Variants in ST6GALNAC3 observed in about 807,000 individuals in gnomAD.
The protein encoded by ST6GALNAC3 is ST6 N-acetylgalactosaminide alpha-2,6-sialyltransferase 3.
ST6GALNAC3 carries 25 observed loss-of-function variants against 32.7 expected under a neutral mutation model. The observed-to-expected ratio is 0.76, with a 90% CI of 0.56 to 1.07. The LOEUF is 1.07. Ranked by LOEUF, ST6GALNAC3 falls within the 50% of genes least tolerant of loss-of-function variation. ST6GALNAC3 has a pLI of 0.00. For missense variants in ST6GALNAC3, 355 were observed against 382.4 expected, an observed-to-expected ratio of 0.93 and a Z score of 0.60; for synonymous variants, 129 against 133.1, an observed-to-expected ratio of 0.97 and a Z score of 0.21.
chr1:76,613,521 G>A (rs184093268), intron 3 of ST6GALNAC3, among the ~76,000 whole-genome samples: 1 of 152,326 alleles, frequency 6.6e-6, no homozygotes, highest in East Asian at 1.9e-4. Flanking sequence ...GTCTGTGAGG[G>A]ATATGGTTTG....
chr1:76,593,610 T>C (rs547595284), intron 3 of ST6GALNAC3, among the ~76,000 whole-genome samples: 1 of 152,342 alleles, frequency 6.6e-6, no homozygotes, highest in Admixed American at 6.5e-5. Flanking sequence ...GTAAAGAATG[T>C]ACCACACCCG....
intron 2 of ST6GALNAC3, among the ~76,000 whole-genome samples, chr1:76,360,008 G>A (rs534275330): frequency 3.3e-5 from 5 of 152,220 alleles, no homozygotes; most frequent in East Asian, 1.9e-4. Flanking sequence ...TTCCACAGTC[G>A]CTTTGATGAA....
intron 1 of ST6GALNAC3, among the ~76,000 whole-genome samples, chr1:76,226,123 C>T (rs1656055133): frequency 6.6e-6 from 1 of 152,146 alleles, no homozygotes. Flanking sequence ...AAATCAATTG[C>T]ACCCAGACTG....
Position 76,601,933 on chromosome 1 carries a change from C to T in ST6GALNAC3, c.624-25519C>T, listed in dbSNP as rs534951307. On this transcript the variant is annotated intron_variant, in intron 3 of 4. Transcript: ENST00000328299. ...AAATCCAATACTGGGTCCTGGATGG[C>T]GAGGAAGGTATCCTTCTAACCAAAT... Among the ~76,000 whole-genome samples the T allele has an allele frequency of 3.3e-5, 5 of 151,988 alleles. No individual in the cohort carries two copies. In the East Asian group the frequency reaches 5.8e-4, roughly 18 times the overall value.
chr1:76,356,434 T>TAAAAA (rs3079481), intron 2 of ST6GALNAC3, among the ~76,000 whole-genome samples: 7 of 120,402 alleles, frequency 5.8e-5, no homozygotes, highest in African/African-American at 9.8e-5. Flanking sequence ...ACAGTAGGGT[T>TAAAAA]AAAAAAAAAA....
intron 1 of ST6GALNAC3, among the ~76,000 whole-genome samples, chr1:76,102,739 A>G (rs1416115511): frequency 1.3e-5 from 2 of 151,920 alleles, no homozygotes; most frequent in Non-Finnish European, 2.9e-5. Context: ...TATTATTATT[A>G]TTGCTTTATT....
At chr1:76,522,642 A>G (rs556802655) in intron 3 of ST6GALNAC3, among the ~76,000 whole-genome samples, 18 of 152,320 alleles carry the variant, frequency 1.2e-4, no homozygotes, top group Non-Finnish European at 2.2e-4. Context: ...TATAGATTCT[A>G]TGGTGGCTTT....
At chr1:76,169,145 G>C (rs919806366) in intron 1 of ST6GALNAC3, among the ~76,000 whole-genome samples, 1 of 152,096 alleles carries the variant, frequency 6.6e-6, no homozygotes, top group South Asian at 2.1e-4. Context: ...GGTAGGTCTG[G>C]TGGTAATGTA....
chr1:76,622,946 T>C (rs937781441), intron 3 of ST6GALNAC3, among the ~76,000 whole-genome samples: 9 of 151,886 alleles, frequency 5.9e-5, no homozygotes, highest in Non-Finnish European at 1.0e-4. Flanking sequence ...CTTCACGATA[T>C]CTTTCCAGAA....
chr1:76,411,924 T>C, intron 2 of ST6GALNAC3, 84 bp from the exon 3 acceptor site: 1 of 1,406,776 alleles, frequency 7.1e-7, no homozygotes, highest in Non-Finnish European at 9.7e-7. Context: ...AATTATACAA[T>C]ATATGAACTT....
chr1:76,610,914 C>T (rs1045408832), intron 3 of ST6GALNAC3, among the ~76,000 whole-genome samples: 4 of 152,126 alleles, frequency 2.6e-5, no homozygotes, highest in East Asian at 1.9e-4. Context: ...TCATAGCAGG[C>T]GCCCAGCTAC....
At chr1:76,193,639 A>G (rs1654032822) in intron 1 of ST6GALNAC3, among the ~76,000 whole-genome samples, 2 of 152,170 alleles carry the variant, frequency 1.3e-5, no homozygotes, top group African/African-American at 2.4e-5. Flanking sequence ...TGTGCTTATG[A>G]TGCACCAGGG....
At chr1:76,379,529 C>T (rs562908731) in intron 2 of ST6GALNAC3, among the ~76,000 whole-genome samples, 2 of 152,238 alleles carry the variant, frequency 1.3e-5, no homozygotes, top group South Asian at 4.2e-4. Context: ...AAGTAGTTTT[C>T]CATGGTGGAG....
At chr1:76,607,020 T>TG (rs2100652838) in intron 3 of ST6GALNAC3, among the ~76,000 whole-genome samples, 1 of 152,314 alleles carries the variant, frequency 6.6e-6, no homozygotes, top group Admixed American at 6.5e-5. Context: ...GTTGCAGACC[T>TG]GGGCCTCTCA....
rs1410281330 is a variant in ST6GALNAC3, at chr1:76,180,115, T to C, written c.18+105231T>C. Among the ~76,000 whole-genome samples, 5 of 152,244 alleles carry C rather than the reference T, an allele frequency of 3.3e-5. No individual in the cohort carries two copies. The East Asian group carries it at 9.6e-4, about 29-fold the overall frequency. On this transcript the variant is annotated intron_variant, in intron 1 of 4. Coordinates refer to ENST00000328299, the MANE Select transcript of ST6GALNAC3 (RefSeq NM_152996.4). ...CTCTTTGGGGGCAGGGCCCACATTTTGTTTACTGCAGATCCCCAGTGTTTA... is the reference window on the plus strand; with the variant it reads ...CTCTTTGGGGGCAGGGCCCACATTTCGTTTACTGCAGATCCCCAGTGTTTA...
chr1:76,436,603 G>C (rs763239175), intron 3 of ST6GALNAC3, among the ~76,000 whole-genome samples: 2 of 152,008 alleles, frequency 1.3e-5, no homozygotes, highest in African/African-American at 2.4e-5. Context: ...ATAAATGTTG[G>C]GGCTTTTTAA....
At chr1:76,626,038 C>T (rs965385133) in intron 3 of ST6GALNAC3, among the ~76,000 whole-genome samples, 2 of 151,794 alleles carry the variant, frequency 1.3e-5, no homozygotes, top group Non-Finnish European at 2.9e-5. Context: ...TTGTGTTTTT[C>T]CTGAAATGCT....
chr1:76,532,209 G>A (rs971060555), intron 3 of ST6GALNAC3, among the ~76,000 whole-genome samples: 4 of 152,102 alleles, frequency 2.6e-5, no homozygotes, highest in African/African-American at 9.7e-5. Context: ...ACTTGAGCCT[G>A]CCATTTTCAC....
At chr1:76,317,836 G>A (rs555792527) in intron 2 of ST6GALNAC3, among the ~76,000 whole-genome samples, 2 of 152,230 alleles carry the variant, frequency 1.3e-5, no homozygotes, top group African/African-American at 2.4e-5. Flanking sequence ...TGGAATGGGA[G>A]GCAGCAGAAT....
Sources: allele counts gnomAD v4.1 joint callset (sites outside exome capture counted in the v4.1 genomes callset), GRCh38; gene constraint gnomAD v4.1.1; transcripts MANE v1.5; gene names NCBI Gene and HGNC (gene_info 2026-07-23, HGNC 2026-07-21).